The following STARD9 variants were observed in gnomAD, a reference collection of about 807,000 sequenced individuals.
STARD9 encodes StAR related lipid transfer domain containing 9.
In STARD9, 346 loss-of-function variants were observed where a neutral mutation model predicts 399.8. That is an observed-to-expected ratio of 0.87 (90% CI 0.79 to 0.95). STARD9 has a LOEUF of 0.95. STARD9 is among the 40% of genes least tolerant of loss of function. STARD9 has a pLI of 0.00. For synonymous variants in STARD9, 2,203 were observed against 2,143.5 expected (o/e 1.03, Z -0.77); for missense variants, 5,832 against 5,667.5 (o/e 1.03, Z -0.93).
chr15:42,593,073 G>C (rs554170073), intron 3 of STARD9, among the ~76,000 whole-genome samples: 1 of 152,068 alleles, frequency 6.6e-6, no homozygotes, highest in Non-Finnish European at 1.5e-5. Flanking sequence ...TTGGCACCTC[G>C]GCGTCAAATG....
chr15:42,682,728 T>C (rs1443826668), intron 22 of STARD9, among the ~76,000 whole-genome samples, 153 bp downstream of exon 22: 1 of 152,208 alleles, frequency 6.6e-6, no homozygotes, highest in African/African-American at 2.4e-5. Context: ...TTTTCCATCT[T>C]CTGGTTACTC....
chr15:42,659,540 G>A (rs2059951995), intron 9 of STARD9, among the ~76,000 whole-genome samples: 1 of 151,772 alleles, frequency 6.6e-6, no homozygotes, highest in African/African-American at 2.4e-5. Context: ...TGTTTTGTTT[G>A]TTTGTGATGG....
intron 24 of STARD9, 121 bp from the exon 25 acceptor site, chr15:42,695,019 C>G: frequency 1.1e-6 from 1 of 898,546 alleles, no homozygotes; most frequent in Non-Finnish European, 1.6e-6. Context: ...ACTTTAAAAC[C>G]CTGTGGGCAA....
At position 42,719,629 on chromosome 15, in the gene STARD9, G is replaced by T; in HGVS notation, c.*55G>T. ...ATGCAGGCCCAGGCTGCTCAAGAGA[G>T]ACACTGTGGCAGCTCCTTGTTACTT... On this transcript the variant is annotated 3_prime_UTR_variant, in exon 33 of 33. Transcript: ENST00000290607. 8.6e-7 allele frequency: 1 copy of T among 1,160,230 alleles called. No individual in the cohort carries two copies. Among genetic ancestry groups the T allele is most frequent in the South Asian group, 1.3e-5 (1 of 74,672 alleles). The allele number at this position is 1,160,230 out of a possible 1,614,324, so 71.9% of individuals were successfully genotyped here.
chr15:42,616,718 C>A (rs914076132), intron 3 of STARD9, among the ~76,000 whole-genome samples: 1 of 151,684 alleles, frequency 6.6e-6, no homozygotes, highest in African/African-American at 2.4e-5. Flanking sequence ...GGTGAAACCC[C>A]ATCTCTACTA....
At chr15:42,627,074 C>T (rs576914901) in intron 3 of STARD9, among the ~76,000 whole-genome samples, 4 of 151,978 alleles carry the variant, frequency 2.6e-5, no homozygotes, top group African/African-American at 7.3e-5. Flanking sequence ...GTGGGTGGAT[C>T]GCTTTGAGTC....
intron 1 of STARD9, among the ~76,000 whole-genome samples, chr15:42,579,417 G>A (rs1393383356): frequency 6.6e-6 from 1 of 152,106 alleles, no homozygotes; most frequent in Non-Finnish European, 1.5e-5. Flanking sequence ...GTTCAAAATG[G>A]TACTGAAAAC....
chr15:42,593,074 G>A (rs1177017657), intron 3 of STARD9, among the ~76,000 whole-genome samples: 1 of 152,126 alleles, frequency 6.6e-6, no homozygotes, highest in Non-Finnish European at 1.5e-5. Flanking sequence ...TGGCACCTCG[G>A]CGTCAAATGA....
intron 9 of STARD9, among the ~76,000 whole-genome samples, chr15:42,660,596 A>C (rs1284846670): frequency 6.6e-6 from 1 of 151,914 alleles, no homozygotes; most frequent in Non-Finnish European, 1.5e-5. Flanking sequence ...AAAAAAAAAA[A>C]ACAAGAAACA....
chr15:42,636,584 AAAAT>A (rs1233627927), intron 4 of STARD9, among the ~76,000 whole-genome samples: 1 of 151,966 alleles, frequency 6.6e-6, no homozygotes, highest in African/African-American at 2.4e-5. Context: ...TTGTCTCAAA[AAAAT>A]AAATAAAAAG....
rs570939897 is a variant in STARD9 at position 42,690,077 on chromosome 15, C to A, written c.8499C>A (p.Asp2833Glu). Residue 2833 changes from aspartate to glutamate, a missense_variant, in exon 23 of 33, where the codon GAC becomes GAA. Asp to Glu is a conservative substitution (Grantham distance 45). Transcript: ENST00000290607. Reference protein sequence around the residue: ...NSTSASGPKQDHVQCPEASTG... With the variant: ...NSTSASGPKQEHVQCPEASTG... ...CAAGTGCCTCAGGGCCTAAGCAAGA[C>A]CATGTCCAATGCCCTGAGGCTTCTA... The A allele has an allele frequency of 4.6e-6, 7 of 1,537,590 alleles. No individual in the cohort carries two copies. In the East Asian group the frequency reaches 1.7e-4, roughly 38 times the overall value.
intron 4 of STARD9, among the ~76,000 whole-genome samples, chr15:42,635,352 C>T (rs1017193278): frequency 5.9e-5 from 9 of 151,886 alleles, no homozygotes; most frequent in South Asian, 2.1e-4. Context: ...ATTTTTGAGA[C>T]GCAGTCTTGC....
At chr15:42,630,225 G>C (rs560408752) in intron 3 of STARD9, 1 of 152,036 alleles carries the variant, frequency 6.6e-6, no homozygotes, top group African/African-American at 2.4e-5. Flanking sequence ...GGATAGTCTC[G>C]ATCTCCTGAC....
intron 17 of STARD9, 115 bp downstream of exon 17, chr15:42,674,606 G>T: frequency 1.6e-6 from 2 of 1,217,564 alleles, no homozygotes; most frequent in Non-Finnish European, 2.3e-6. Context: ...CGTATTCAGG[G>T]CCTGCTTCTC....
At chr15:42,664,009 A>G in intron 13 of STARD9, 92 bp downstream of exon 13, 1 of 844,140 alleles carries the variant, frequency 1.2e-6, no homozygotes, top group Non-Finnish European at 1.9e-6. Context: ...CTTTGTACTC[A>G]CCTCAACTTT....
intron 9 of STARD9, among the ~76,000 whole-genome samples, chr15:42,659,110 C>CGAAA (rs959445835): frequency 2.6e-5 from 4 of 151,212 alleles, no homozygotes; most frequent in Non-Finnish European, 4.4e-5. Context: ...AAGACTCCCT[C>CGAAA]GAAAGAAAGA....
At chr15:42,678,805 C>T (rs948721576) in intron 20 of STARD9, among the ~76,000 whole-genome samples, 11 of 152,128 alleles carry the variant, frequency 7.2e-5, no homozygotes, top group Non-Finnish European at 1.3e-4. Flanking sequence ...GAAGACTTGC[C>T]CTTTGTAATC....
At chr15:42,606,469 T>C (rs2058725018) in intron 3 of STARD9, among the ~76,000 whole-genome samples, 1 of 152,116 alleles carries the variant, frequency 6.6e-6, no homozygotes, top group Non-Finnish European at 1.5e-5. Context: ...TTAGTTTTGT[T>C]TTTTGAAACA....
At chr15:42,673,840 T>G in intron 16 of STARD9, 1 of 444,412 alleles carries the variant, frequency 2.3e-6, no homozygotes, top group Non-Finnish European at 4.5e-6. Context: ...CTAACTCCAG[T>G]TTCCCCCTCC....
Sources: gnomAD v4.1 joint callset for allele counts (sites outside exome capture counted in the v4.1 genomes callset) on GRCh38, gnomAD v4.1.1 for gene constraint, MANE v1.5 for transcripts, NCBI Gene and HGNC (gene_info 2026-07-23, HGNC 2026-07-21) for gene names.